SMARCC1: variants seen among roughly 807,000 people sequenced by gnomAD.
SMARCC1 encodes SWI/SNF related BAF chromatin remodeling complex subunit C1.
SMARCC1 carries 43 observed loss-of-function variants against 147.4 expected under a neutral mutation model. The observed-to-expected ratio is 0.29, with a 90% CI of 0.23 to 0.38. The LOEUF is 0.38. Among genes scored for constraint, SMARCC1 ranks in the 10% least tolerant of loss-of-function variants. The probability of loss-of-function intolerance (pLI) is 1.00; values close to 1 mark genes in which losing one functional copy is unlikely to be tolerated. For missense variants in SMARCC1, 1,119 were observed against 1,381.1 expected, an observed-to-expected ratio of 0.81 and a Z score of 3.01; for synonymous variants, 495 against 484.4, an observed-to-expected ratio of 1.02 and a Z score of -0.29.
At chr3:47,651,421 T>C (rs938867869) in intron 21 of SMARCC1, among the ~76,000 whole-genome samples, 1 of 152,196 alleles carries the variant, frequency 6.6e-6, no homozygotes, top group African/African-American at 2.4e-5. Flanking sequence ...TAACATCTCA[T>C]ATGACCTCCC....
intron 2 of SMARCC1, among the ~76,000 whole-genome samples, chr3:47,750,385 G>C (rs7637372): frequency 0.6 from 91,788 of 151,950 alleles, 29,071 homozygotes; most frequent in East Asian, 0.72. Context: ...CAGTGAGCCG[G>C]GATCGCGCCA....
chr3:47,693,810 A>G (rs2033818088), intron 11 of SMARCC1, among the ~76,000 whole-genome samples: 1 of 152,114 alleles, frequency 6.6e-6, no homozygotes, highest in Non-Finnish European at 1.5e-5. Context: ...CTATGGGCGC[A>G]TGCCACCACA....
At chr3:47,692,048 GAAGA>G (rs2033796591) in intron 12 of SMARCC1, among the ~76,000 whole-genome samples, 2 of 152,116 alleles carry the variant, frequency 1.3e-5, no homozygotes, top group African/African-American at 2.4e-5. Flanking sequence ...TCCTTAATTA[GAAGA>G]TAGAACTGAC....
chr3:47,694,524 C>T (rs975094143), intron 11 of SMARCC1, among the ~76,000 whole-genome samples: 1 of 152,206 alleles, frequency 6.6e-6, no homozygotes, highest in South Asian at 2.1e-4. Flanking sequence ...CACTTGAACC[C>T]GGGAGGTGGA....
At chr3:47,750,568 T>C (rs1040770513) in intron 2 of SMARCC1, among the ~76,000 whole-genome samples, 9 of 152,198 alleles carry the variant, frequency 5.9e-5, no homozygotes, top group Non-Finnish European at 1.2e-4. Context: ...CCTCAAACCA[T>C]GCATGTAATC....
At chr3:47,713,095 G>A (rs1468661205) in intron 8 of SMARCC1, among the ~76,000 whole-genome samples, 1 of 151,946 alleles carries the variant, frequency 6.6e-6, no homozygotes, top group African/African-American at 2.4e-5. Flanking sequence ...GGTCCAGGCG[G>A]GCAGATCACA....
chr3:47,617,646 C>T (rs2032665227), intron 25 of SMARCC1, among the ~76,000 whole-genome samples: 1 of 152,164 alleles, frequency 6.6e-6, no homozygotes, highest in African/African-American at 2.4e-5. Context: ...TTGCTTCCCA[C>T]AGGGAAGGAT....
chr3:47,693,714 G>C (rs2106778163), intron 11 of SMARCC1, among the ~76,000 whole-genome samples: 1 of 152,280 alleles, frequency 6.6e-6, no homozygotes, highest in Admixed American at 6.5e-5. Flanking sequence ...CCAGACTTGA[G>C]TGCAGTGGTG....
chr3:47,629,111 T>C (rs1236867453), intron 24 of SMARCC1, among the ~76,000 whole-genome samples: 1 of 152,174 alleles, frequency 6.6e-6, no homozygotes, highest in Non-Finnish European at 1.5e-5. Context: ...CTGGCTAGAT[T>C]TCAAATTTGC....
intron 6 of SMARCC1, among the ~76,000 whole-genome samples, chr3:47,723,207 G>A (rs922559863): frequency 6.6e-6 from 1 of 152,068 alleles, no homozygotes; most frequent in African/African-American, 2.4e-5. Flanking sequence ...TCAAATGCCA[G>A]AGCAACAAGA....
chr3:47,628,815 C>T (rs1447356168), intron 24 of SMARCC1, among the ~76,000 whole-genome samples: 1 of 152,126 alleles, frequency 6.6e-6, no homozygotes, highest in Admixed American at 6.6e-5. Context: ...AATGATCCGC[C>T]CACCTCGGCC....
In SMARCC1 at chr3:47,586,570, T is replaced by C. The variant is rs1408543171; in HGVS notation, c.*1639A>G. The C allele has an allele frequency of 6.5e-6, 1 of 152,770 alleles. No homozygotes were observed. Among genetic ancestry groups the C allele is most frequent in the Non-Finnish European group, 1.5e-5 (1 of 68,028 alleles). 9.5% of individuals were successfully genotyped at this position (152,770 alleles called of 1,614,324 possible). A position where few individuals can be genotyped will look rare whatever the true frequency, so the allele number is the denominator to read the frequency against. On this transcript the variant is annotated 3_prime_UTR_variant, in exon 28 of 28. Coordinates refer to ENST00000254480, the MANE Select transcript of SMARCC1 (RefSeq NM_003074.4). ...TGAGGGTTTGAAAGGCAAATCTCAA[T>C]TGTGGTTTTATTTTTTTGCTTTCTG...
At chr3:47,707,397 C>T (rs2034007505) in intron 9 of SMARCC1, among the ~76,000 whole-genome samples, 1 of 150,954 alleles carries the variant, frequency 6.6e-6, no homozygotes, top group Non-Finnish European at 1.5e-5. Flanking sequence ...ATAAAAAAAG[C>T]TTCCAGACCT....
chr3:47,695,848 C>T, intron 11 of SMARCC1, among the ~76,000 whole-genome samples: 1 of 140,086 alleles, frequency 7.1e-6, no homozygotes. Context: ...GGGCAGATCA[C>T]CTGAGGTCAG....
At chr3:47,649,125 T>C (rs972767746) in intron 21 of SMARCC1, among the ~76,000 whole-genome samples, 3 of 152,224 alleles carry the variant, frequency 2.0e-5, no homozygotes, top group African/African-American at 4.8e-5. Context: ...GAAAGAGCCC[T>C]TTAAATATAA....
At chr3:47,659,293 G>GAAAAAAAAAAAAAAAAAAAAAAA (rs149443449) in intron 21 of SMARCC1, among the ~76,000 whole-genome samples, 1 of 138,076 alleles carries the variant, frequency 7.2e-6, no homozygotes, top group Non-Finnish European at 1.6e-5. Context: ...AAAAAAAAAA[G>GAAAAAAAAAAAAAAAAAAAAAAA]AAAAAAAAAA....
chr3:47,618,089 A>C (rs549889213), intron 25 of SMARCC1, among the ~76,000 whole-genome samples: 2 of 152,280 alleles, frequency 1.3e-5, no homozygotes, highest in South Asian at 4.1e-4. Flanking sequence ...AATGCTGATT[A>C]AGAAAATAAC....
chr3:47,658,025 C>T (rs746559903), intron 21 of SMARCC1, among the ~76,000 whole-genome samples: 1 of 151,258 alleles, frequency 6.6e-6, no homozygotes, highest in Non-Finnish European at 1.5e-5. Flanking sequence ...GAAAAAATGA[C>T]GATTAGAGTG....
At chr3:47,775,006 C>T (rs1274482738) in intron 1 of SMARCC1, among the ~76,000 whole-genome samples, 2 of 151,996 alleles carry the variant, frequency 1.3e-5, no homozygotes, top group Admixed American at 1.3e-4. Flanking sequence ...TTTTCACCAA[C>T]TTCTCTGGGC....
Sources: gnomAD v4.1 joint callset for allele counts (sites outside exome capture counted in the v4.1 genomes callset) on GRCh38, gnomAD v4.1.1 for gene constraint, MANE v1.5 for transcripts, NCBI Gene and HGNC (gene_info 2026-07-23, HGNC 2026-07-21) for gene names.